ALG12: variants seen among roughly 807,000 people sequenced by gnomAD.
ALG12 encodes dol-P-Man:Man(7)GlcNAc(2)-PP-Dol alpha-1,6-mannosyltransferase.
Under a neutral mutation model 46.0 loss-of-function variants are expected in ALG12, and 36 were observed. The observed-to-expected ratio is 0.78, with a 90% CI of 0.60 to 1.03. The LOEUF is 1.03. ALG12 is among the 50% of genes least tolerant of loss of function. ALG12 has a pLI of 0.00. For missense variants in ALG12, 599 were observed against 633.5 expected, an observed-to-expected ratio of 0.95 and a Z score of 0.58; for synonymous variants, 326 against 291.6, an observed-to-expected ratio of 1.12 and a Z score of -1.20.
At chr22:49,910,861 G>T (rs1010518024) in intron 3 of ALG12, among the ~76,000 whole-genome samples, 6 of 152,226 alleles carry the variant, frequency 3.9e-5, no homozygotes, top group African/African-American at 1.4e-4. Flanking sequence ...GAAGCATGAG[G>T]GAGGACACAC....
chr22:49,878,874 G>C, the ALG12 span, among the ~76,000 whole-genome samples: 4 of 151,994 alleles, frequency 2.6e-5, no homozygotes, highest in African/African-American at 9.7e-5. Flanking sequence ...GCCAGGCGTG[G>C]TGGCTCATGC....
the ALG12 span, among the ~76,000 whole-genome samples, chr22:49,878,328 A>G: frequency 6.7e-6 from 1 of 148,262 alleles, no homozygotes; most frequent in African/African-American, 2.4e-5. Context: ...AAGTCTTCAT[A>G]CAGAGATAGG....
In ALG12 at chr22:49,904,359, G is replaced by C; in HGVS notation, c.1140C>G (p.His380Gln). The change falls in exon 8 of 10, where the codon CAC becomes CAG. Residue 380 changes from histidine (H) to glutamine (Q), a missense_variant. Physicochemically the swap from His to Gln is conservative, Grantham distance 24. Coordinates refer to ENST00000330817, the MANE Select transcript of ALG12 (RefSeq NM_024105.4). Reference sequence around the variant, plus strand: ...CACCTGTCTGGGGGGGCACCAGCTGGTGCAGCCTCTGCATTGCGACGCCAC... The same window carrying C: ...CACCTGTCTGGGGGGGCACCAGCTGCTGCAGCCTCTGCATTGCGACGCCAC... Reference protein sequence around the residue: ...YPGGVAMQRLHQLVPPQTDVL... With the variant: ...YPGGVAMQRLQQLVPPQTDVL... 6.2e-7 allele frequency: 1 copy of C among 1,614,226 alleles called. No individual in the cohort carries two copies. The highest frequency in any genetic ancestry group is 8.5e-7 in the Non-Finnish European group (1 of 1,180,044).
Position 49,913,694 on chromosome 22 carries a change from G to C in ALG12, c.72C>G (p.His24Gln), listed in dbSNP as rs976953052. The part of the protein sequence containing the change: ...LGLLVAVATV[H>Q]LVICPYTKVE... The stretch of plus-strand genomic sequence containing the variant: ...CTTTGGTGTAGGGACAGATGACCAG[G>C]TGGACAGTGGCTACGGCCACCAGCA... The change falls in exon 2 of 10, where the codon CAC becomes CAG. Residue 24 changes from histidine to glutamine, a missense_variant. His to Gln is a conservative substitution (Grantham distance 24). Coordinates refer to ENST00000330817, the MANE Select transcript of ALG12 (RefSeq NM_024105.4). The C allele has an allele frequency of 6.8e-6, 11 of 1,613,932 alleles. No homozygotes were observed. The highest frequency in any genetic ancestry group is 9.3e-6 in the Non-Finnish European group (11 of 1,180,036).
the ALG12 span, among the ~76,000 whole-genome samples, chr22:49,870,564 T>A: frequency 6.6e-6 from 1 of 152,216 alleles, no homozygotes; most frequent in Non-Finnish European, 1.5e-5. Context: ...GATTTGCACT[T>A]CTCTGATGAC....
At chr22:49,899,913 C>G (rs1210861431), downstream of ALG12, among the ~76,000 whole-genome samples, 1 of 152,088 alleles carries the variant, frequency 6.6e-6, no homozygotes. Flanking sequence ...CATCCCAGCA[C>G]TTTAGGAGGC....
chr22:49,878,336 A>C, the ALG12 span, among the ~76,000 whole-genome samples: 1 of 150,482 alleles, frequency 6.6e-6, no homozygotes, highest in African/African-American at 2.4e-5. Context: ...ATACAGAGAT[A>C]GGCTTTCATT....
chr22:49,915,835 G>A (rs2060606256), intron 1 of ALG12, among the ~76,000 whole-genome samples: 1 of 152,224 alleles, frequency 6.6e-6, no homozygotes, highest in Non-Finnish European at 1.5e-5. Flanking sequence ...CTGCGGGCAG[G>A]GCTTGCTTGG....
At chr22:49,893,376 G>C in the ALG12 span, among the ~76,000 whole-genome samples, 1 of 152,176 alleles carries the variant, frequency 6.6e-6, no homozygotes, top group Non-Finnish European at 1.5e-5. Context: ...ATGGCAAAGT[G>C]CTGAAACCCA....
rs146779034 is a variant in ALG12 at position 49,901,684 on chromosome 22, G to A, written c.*2154C>T. On this transcript the variant is annotated 3_prime_UTR_variant, in exon 10 of 10. Transcript: ENST00000330817. Reference sequence around the variant, plus strand: ...TGTATGGTGTGTATGCATGGTGTGCGCATCTGTGCATTGTGTGTGGATGCA... The same window carrying A: ...TGTATGGTGTGTATGCATGGTGTGCACATCTGTGCATTGTGTGTGGATGCA... 1,249 of 147,818 alleles carry A rather than the reference G, an allele frequency of 8.4e-3. 6 individuals are homozygous for A. The highest frequency in any genetic ancestry group is 0.012 in the Non-Finnish European group (816 of 67,536). The allele number at this position is 147,818 out of a possible 1,614,324, so 9.2% of individuals were successfully genotyped here. A position where few individuals can be genotyped will look rare whatever the true frequency, so the allele number is the denominator to read the frequency against.
the ALG12 span, among the ~76,000 whole-genome samples, chr22:49,859,620 C>T: frequency 5.9e-5 from 9 of 152,314 alleles, no homozygotes; most frequent in East Asian, 1.3e-3. Context: ...TTGTGCTTGT[C>T]TGTTATTGCT....
At chr22:49,881,034 T>C in the ALG12 span, among the ~76,000 whole-genome samples, 1 of 152,246 alleles carries the variant, frequency 6.6e-6, no homozygotes, top group Non-Finnish European at 1.5e-5. Context: ...TTGGACATTA[T>C]ATGTGGAATT....
chr22:49,896,234 C>T (rs1601812055), downstream of ALG12, among the ~76,000 whole-genome samples: 1 of 152,362 alleles, frequency 6.6e-6, no homozygotes, highest in South Asian at 2.1e-4. Flanking sequence ...CAGTTTTCAC[C>T]TAGGCGTCAT....
the ALG12 span, among the ~76,000 whole-genome samples, chr22:49,864,375 G>A: frequency 4.6e-5 from 7 of 152,210 alleles, no homozygotes; most frequent in Non-Finnish European, 1.0e-4. Context: ...TGAAAACAGT[G>A]AAGATATTTT....
the ALG12 span, chr22:49,886,895 A>G: frequency 1.9e-6 from 3 of 1,614,112 alleles, no homozygotes; most frequent in Non-Finnish European, 2.5e-6. This position sits in a 1 kb window ranked among gnomAD's most constrained non-coding sequence, Gnocchi z 7.7. Context: ...GACCCAAGAG[A>G]AAAGCTGCCT....
chr22:49,910,150 C>G (rs2060567792), intron 4 of ALG12, 62 bp from the exon 5 acceptor site: 2 of 1,514,646 alleles, frequency 1.3e-6, no homozygotes, highest in Non-Finnish European at 1.8e-6. Flanking sequence ...CAGAAAACAC[C>G]CGGGGAAGTG....
chr22:49,897,832 A>AT (rs995641628), downstream of ALG12, among the ~76,000 whole-genome samples: 9 of 146,132 alleles, frequency 6.2e-5, no homozygotes, highest in Admixed American at 2.0e-4. Flanking sequence ...ATTTTTTTGT[A>AT]TTTTTTTTAG....
chr22:49,884,466 G>C, the ALG12 span: 6 of 1,614,108 alleles, frequency 3.7e-6, no homozygotes, highest in Non-Finnish European at 5.1e-6. Context: ...AACCTGCAGA[G>C]AACTTAGCGG....
chr22:49,863,447 T>G, the ALG12 span, among the ~76,000 whole-genome samples: 1 of 152,126 alleles, frequency 6.6e-6, no homozygotes, highest in South Asian at 2.1e-4. Flanking sequence ...GCCAACATGG[T>G]GAAACCACGT....
Sources: gnomAD v4.1 joint callset for allele counts (sites outside exome capture counted in the v4.1 genomes callset) on GRCh38, gnomAD v4.1.1 for gene constraint, Gnocchi (gnomAD v3.1) non-coding constraint, MANE v1.5 for transcripts, NCBI Gene and HGNC (gene_info 2026-07-23, HGNC 2026-07-21) for gene names.